FNDC3B: variants seen among roughly 807,000 people sequenced by gnomAD.
FNDC3B encodes the protein fibronectin type III domain-containing protein 3B.
A neutral mutation model predicts 151.5 loss-of-function variants in FNDC3B; 12 were observed. The ratio of observed to expected loss-of-function variants is 0.08; its 90% CI spans 0.05 to 0.13. The LOEUF (loss-of-function observed/expected upper bound fraction) is 0.13, where lower values mean the gene tolerates loss of function less well. FNDC3B is among the 10% of genes least tolerant of loss of function. The pLI, the probability that FNDC3B is intolerant of heterozygous loss-of-function variation, is 1.00. For synonymous variants in FNDC3B, 528 were observed against 549.0 expected (o/e 0.96, Z 0.54); for missense variants, 1,214 against 1,505.3 (o/e 0.81, Z 3.20).
chr3:172,134,191 G>C (rs967272357), intron 3 of FNDC3B, among the ~76,000 whole-genome samples: 2 of 152,156 alleles, frequency 1.3e-5, no homozygotes, highest in Non-Finnish European at 2.9e-5. Flanking sequence ...TGTAGGTAAG[G>C]CTTTTGGGTG....
intron 3 of FNDC3B, among the ~76,000 whole-genome samples, chr3:172,226,335 C>T (rs999616624): frequency 2.0e-5 from 3 of 151,596 alleles, no homozygotes; most frequent in Middle Eastern, 6.8e-3. Flanking sequence ...GTATTCTTTC[C>T]CCCTGCCTTA....
At chr3:172,299,991 GTTGTT>G (rs1400600110) in intron 9 of FNDC3B, among the ~76,000 whole-genome samples, 1 of 152,222 alleles carries the variant, frequency 6.6e-6, no homozygotes, top group Non-Finnish European at 1.5e-5. Flanking sequence ...ATCAGAGTAA[GTTGTT>G]TTGTTTTAAG....
intron 3 of FNDC3B, among the ~76,000 whole-genome samples, chr3:172,213,251 G>A (rs1382530416): frequency 1.3e-5 from 2 of 152,182 alleles, no homozygotes; most frequent in Non-Finnish European, 2.9e-5. Flanking sequence ...TACTTTGACA[G>A]TGTTTTACTC....
chr3:172,208,993 T>C (rs1486626172), intron 3 of FNDC3B, among the ~76,000 whole-genome samples: 1 of 152,072 alleles, frequency 6.6e-6, no homozygotes, highest in African/African-American at 2.4e-5. Flanking sequence ...AGCTTGGAGA[T>C]GCCAGGAACC....
At chr3:172,136,073 A>G (rs1166129325) in intron 3 of FNDC3B, among the ~76,000 whole-genome samples, 1 of 152,208 alleles carries the variant, frequency 6.6e-6, no homozygotes, top group African/African-American at 2.4e-5. Flanking sequence ...TCACAAAGCT[A>G]GAAAGAGGCA....
chr3:172,065,300 C>G (rs1359693205), intron 1 of FNDC3B, among the ~76,000 whole-genome samples: 3 of 152,136 alleles, frequency 2.0e-5, no homozygotes, highest in Non-Finnish European at 4.4e-5. Context: ...CCACTGCACT[C>G]CAGCCTGGGT....
intron 3 of FNDC3B, among the ~76,000 whole-genome samples, chr3:172,219,534 G>A (rs1478852384): frequency 6.6e-6 from 1 of 152,128 alleles, no homozygotes; most frequent in Non-Finnish European, 1.5e-5. Context: ...ACAATGTTAT[G>A]CAACCACTAC....
intron 3 of FNDC3B, among the ~76,000 whole-genome samples, chr3:172,157,975 T>A (rs891612287): frequency 1.3e-5 from 2 of 152,144 alleles, no homozygotes; most frequent in African/African-American, 4.8e-5. Flanking sequence ...ATGGGATTAG[T>A]GCCATGATTA....
chr3:172,134,483 G>A, intron 3 of FNDC3B: 1 of 469,416 alleles, frequency 2.1e-6, no homozygotes, highest in Admixed American at 2.3e-5. Flanking sequence ...CTAATCTGAG[G>A]CTTTACTATT....
chr3:172,159,340 C>T (rs968545517), intron 3 of FNDC3B, among the ~76,000 whole-genome samples: 1 of 152,156 alleles, frequency 6.6e-6, no homozygotes, highest in Non-Finnish European at 1.5e-5. Context: ...CTGTTCCTGG[C>T]TTGGTTGAAC....
intron 3 of FNDC3B, among the ~76,000 whole-genome samples, chr3:172,168,449 A>T (rs1317560777): frequency 1.3e-5 from 2 of 152,196 alleles, no homozygotes; most frequent in African/African-American, 2.4e-5. Flanking sequence ...AGTAGTACTG[A>T]GCTGACATGT....
chr3:172,194,290 C>T (rs907079269), intron 3 of FNDC3B, among the ~76,000 whole-genome samples: 2 of 152,118 alleles, frequency 1.3e-5, no homozygotes, highest in Non-Finnish European at 2.9e-5. Context: ...ATTTATTCAA[C>T]CAGCAGCCCT....
rs764688336 is a variant in FNDC3B at position 172,098,462 on chromosome 3, G to A, written c.-28-13990G>A. 1.1e-4 allele frequency among the ~76,000 whole-genome samples: 16 copies of A among 152,054 alleles called. 1 individual carries two copies. Among genetic ancestry groups the A allele is most frequent in the South Asian group, 2.1e-4 (1 of 4,830 alleles). ...GGCTTTGCAGTTAAACACAGTGGTC[G>A]GTATTTAAGGTATTTAAGGAATCGG... is the stretch of plus-strand genomic sequence containing the variant. On this transcript the variant is annotated intron_variant, in intron 1 of 25. Transcript: ENST00000415807.
chr3:172,263,092 A>AAAT (rs1728737527), intron 6 of FNDC3B, among the ~76,000 whole-genome samples: 6 of 145,346 alleles, frequency 4.1e-5, no homozygotes, highest in African/African-American at 1.3e-4. Context: ...AATATATATA[A>AAAT]ATATATATAT....
chr3:172,132,811 T>C (rs1721171056), intron 2 of FNDC3B, among the ~76,000 whole-genome samples: 1 of 152,248 alleles, frequency 6.6e-6, no homozygotes, highest in South Asian at 2.1e-4. Flanking sequence ...ACTATAAGGC[T>C]GTTGACAGAA....
intron 2 of FNDC3B, among the ~76,000 whole-genome samples, chr3:172,122,321 A>T (rs541898123): frequency 2.4e-4 from 37 of 152,258 alleles, no homozygotes; most frequent in African/African-American, 7.5e-4. Context: ...AAATGCAAAA[A>T]TAAACAGCCT....
chr3:172,333,067 C>T, intron 13 of FNDC3B, 22 bp from the exon 14 acceptor site: 1 of 1,518,176 alleles, frequency 6.6e-7, no homozygotes, highest in Non-Finnish European at 9.2e-7. Flanking sequence ...ACTGATGTTT[C>T]TTCCTGGCTT....
chr3:172,252,105 TC>T (rs1204092011), intron 6 of FNDC3B, among the ~76,000 whole-genome samples: 2 of 152,204 alleles, frequency 1.3e-5, no homozygotes, highest in African/African-American at 4.8e-5. Flanking sequence ...TAGAGAAACA[TC>T]AACTCAGAAT....
chr3:172,248,424 C>A (rs1727896434), intron 5 of FNDC3B, among the ~76,000 whole-genome samples: 1 of 152,222 alleles, frequency 6.6e-6, no homozygotes, highest in South Asian at 2.1e-4. Context: ...AACATTATAT[C>A]TTTTTAAAGT....
Sources: gnomAD v4.1 joint callset for allele counts (sites outside exome capture counted in the v4.1 genomes callset) on GRCh38, gnomAD v4.1.1 for gene constraint, MANE v1.5 for transcripts, NCBI Gene and HGNC (gene_info 2026-07-23, HGNC 2026-07-21) for gene names.